The following KMT2A variants were observed in gnomAD, a reference collection of about 807,000 sequenced individuals.
KMT2A encodes histone-lysine N-methyltransferase 2A.
Under a neutral mutation model 345.3 loss-of-function variants are expected in KMT2A, and 16 were observed. The observed-to-expected ratio is 0.05, with a 90% confidence interval of 0.03 to 0.07. KMT2A has a LOEUF of 0.07. Among genes scored for constraint, KMT2A ranks in the 10% least tolerant of loss-of-function variants. The pLI is 1.00. For missense variants in KMT2A, 3,272 were observed against 4,841.6 expected (o/e 0.68, Z 9.62); for synonymous variants, 1,599 against 1,778.6 (o/e 0.90, Z 2.54).
At chr11:118,474,396 A>G (rs1949996808) in intron 3 of KMT2A, 81 bp downstream of exon 3, 7 of 1,487,274 alleles carry the variant, frequency 4.7e-6, no homozygotes, top group Non-Finnish European at 5.4e-6. Flanking sequence ...AAGTGGTTCA[A>G]TTACATCCAG....
In KMT2A at chr11:118,491,813, G is replaced by T; in HGVS notation, c.4889G>T (p.Arg1630Leu). ...VAYTCVNCTE[R>L]HPAEWRLALE... The stretch of plus-strand genomic sequence containing the variant: ...TACACTTGTGTGAACTGTACTGAGC[G>T]GCACCCTGCAGAGTGGCGACTGGCC... The change falls in exon 15 of 36, where the codon CGG becomes CTG. Residue 1630 changes from arginine (R) to leucine (L), a missense_variant. Physicochemically the swap from Arg to Leu is moderately radical, Grantham distance 102 (BLOSUM62 -2). Around this residue, in one of 27 missense-constraint regions of KMT2A, gnomAD observed 66 missense variants for 80.1 expected, o/e 0.82. Transcript: ENST00000534358. The surrounding 1 kb of genome is among the most constrained non-coding windows in gnomAD (Gnocchi z 4.2). The T allele has an allele frequency of 6.2e-7, 1 of 1,614,002 alleles. No individual in the cohort carries two copies. Among genetic ancestry groups the T allele is most frequent in the Non-Finnish European group, 8.5e-7 (1 of 1,179,926 alleles).
rs782273725 is a variant in KMT2A at position 118,522,190 on chromosome 11, A to G, written c.*18A>G. The G allele has an allele frequency of 1.9e-6, 3 of 1,611,086 alleles. No individual in the cohort carries two copies. The highest frequency in any genetic ancestry group is 4.5e-5 in the East Asian group (2 of 44,814). On this transcript the variant is annotated 3_prime_UTR_variant, in exon 36 of 36. Coordinates refer to ENST00000534358, the MANE Select transcript of KMT2A (RefSeq NM_001197104.2). This position sits in a 1 kb window ranked among gnomAD's most constrained non-coding sequence, Gnocchi z 5.4. ...TAAACTAAAGCTGCTCTTCTCCCCC[A>G]GTGTTGGAGTGCAAGGAGGCGGGGC...
chr11:118,442,083 G>C (rs1555025986), intron 1 of KMT2A, among the ~76,000 whole-genome samples: 1 of 152,120 alleles, frequency 6.6e-6, no homozygotes, highest in Non-Finnish European at 1.5e-5. Context: ...AGATCTCTTT[G>C]TGCCTGCCCA....
chr11:118,439,521 C>A (rs187925402), intron 1 of KMT2A, among the ~76,000 whole-genome samples: 5 of 152,342 alleles, frequency 3.3e-5, no homozygotes, highest in Admixed American at 2.6e-4. Context: ...AATATTTTAT[C>A]TGTTGGTCTT....
chr11:118,443,767 C>G (rs988840122), intron 1 of KMT2A, among the ~76,000 whole-genome samples: 2 of 152,206 alleles, frequency 1.3e-5, no homozygotes, highest in African/African-American at 4.8e-5. Flanking sequence ...AGATATCTTA[C>G]CTTCAATTAT....
rs782042971 is a variant in KMT2A at position 118,473,808 on chromosome 11, G to A, written c.2649G>A (p.Glu883=). 1.2e-5 allele frequency: 19 copies of A among 1,614,026 alleles called. No individual in the cohort carries two copies. The highest frequency in any genetic ancestry group is 1.4e-5 in the Non-Finnish European group (16 of 1,180,012). The part of the protein sequence containing the change: ...SRERDREREK[E]NKRESRKEKR... ...AGAGAGACCGGGAGAGAGAAAAGGA[G>A]AATAAGCGGGAGTCAAGGAAAGAGA... Residue 883 remains glutamate (E), a synonymous_variant, in exon 3 of 36, where the codon GAG becomes GAA. Coordinates refer to ENST00000534358, the MANE Select transcript of KMT2A (RefSeq NM_001197104.2). The surrounding 1 kb of genome is among the most constrained non-coding windows in gnomAD (Gnocchi z 5.2).
At chr11:118,441,161 C>A (rs1236264974) in intron 1 of KMT2A, among the ~76,000 whole-genome samples, 1 of 151,734 alleles carries the variant, frequency 6.6e-6, no homozygotes, top group Non-Finnish European at 1.5e-5. Flanking sequence ...TCAAGTGAGA[C>A]GATTTGATAA....
chr11:118,482,764 A>AG (rs1241478999), intron 8 of KMT2A, among the ~76,000 whole-genome samples: 21 of 146,028 alleles, frequency 1.4e-4, no homozygotes, highest in African/African-American at 4.7e-4. Context: ...AAAAAAAAAA[A>AG]AAGAAGAAGA....
At chr11:118,456,381 C>G (rs568535933) in intron 1 of KMT2A, among the ~76,000 whole-genome samples, 2 of 151,970 alleles carry the variant, frequency 1.3e-5, no homozygotes, top group South Asian at 4.2e-4. Flanking sequence ...CATTGTCACC[C>G]GGGCTGGAGT....
At chr11:118,448,752 T>C (rs1439481404) in intron 1 of KMT2A, 2 of 152,212 alleles carry the variant, frequency 1.3e-5, no homozygotes, top group African/African-American at 4.8e-5. Flanking sequence ...GAATGGTCTC[T>C]ACTTTTAACC....
At chr11:118,482,321 A>C (rs910161257) in intron 7 of KMT2A, 101 bp from the exon 8 acceptor site, 14 of 818,596 alleles carry the variant, frequency 1.7e-5, no homozygotes, top group Non-Finnish European at 2.6e-5. Context: ...GAGTTTAAAT[A>C]GTTTTTTTTT....
chr11:118,454,648 C>A (rs1403419852), intron 1 of KMT2A, among the ~76,000 whole-genome samples: 1 of 152,164 alleles, frequency 6.6e-6, no homozygotes, highest in Non-Finnish European at 1.5e-5. Context: ...GTCAAAGATA[C>A]GTTTAATACA....
Position 118,512,040 on chromosome 11 carries a change from T to C in KMT2A, c.11146+15T>C. 6.2e-7 allele frequency: 1 copy of C among 1,607,080 alleles called. No homozygotes were observed. The highest frequency in any genetic ancestry group is 1.1e-5 in the South Asian group (1 of 90,932). On this transcript the variant is annotated intron_variant, in intron 31 of 35. Transcript: ENST00000534358. ...CTCATTTGCAGGTAATGGCTGGAGG[T>C]GTTATTCCACTCCTGTCTCAGAATA...
chr11:118,482,645 C>T (rs891735518), intron 8 of KMT2A, 150 bp downstream of exon 8: 1 of 566,224 alleles, frequency 1.8e-6, no homozygotes, highest in African/African-American at 1.9e-5. Flanking sequence ...CACGGTGGCT[C>T]ACGCTGGTAA....
rs2134301750 is a variant in KMT2A at position 118,482,059 on chromosome 11, C to T, written c.3979C>T (p.Pro1327Ser). The change falls in exon 7 of 36, where the codon CCC (proline) becomes TCC (serine). Residue 1327 changes from proline (P) to serine (S), a missense_variant. Coordinates refer to ENST00000534358, the MANE Select transcript of KMT2A (RefSeq NM_001197104.2). ...KEVPKTTPSE[P>S]KKKQPPPPES... ...AGTTCCCAAAACCACTCCTAGTGAGCCCAAGAAAAAGCAGCCTCCACCACC... is the reference window on the plus strand; with the variant it reads ...AGTTCCCAAAACCACTCCTAGTGAGTCCAAGAAAAAGCAGCCTCCACCACC... 1 of 1,610,350 alleles carries T rather than the reference C, an allele frequency of 6.2e-7. No homozygotes were observed. The highest frequency in any genetic ancestry group is 8.5e-7 in the Non-Finnish European group (1 of 1,178,806).
Position 118,502,637 on chromosome 11 carries a change from G to A in KMT2A, c.6745G>A (p.Val2249Ile), listed in dbSNP as rs781974413. The change falls in exon 27 of 36, where the codon GTC becomes ATC. Residue 2249 changes from valine (V) to isoleucine (I), a missense_variant. By Grantham distance (29) the Val-to-Ile change is conservative (BLOSUM62 3). This residue lies in a region of KMT2A where 445 missense variants were observed against 500.9 expected (regional missense o/e 0.89). Coordinates refer to ENST00000534358, the MANE Select transcript of KMT2A (RefSeq NM_001197104.2). This position sits in a 1 kb window ranked among gnomAD's most constrained non-coding sequence, Gnocchi z 4.9. ...ATCAAGTGCCAAAGTAGTTGATCATGTCTTAGGGCCACTGAATTCAAGTAC... is the reference window on the plus strand; with the variant it reads ...ATCAAGTGCCAAAGTAGTTGATCATATCTTAGGGCCACTGAATTCAAGTAC... ...LESSAKVVDH[V>I]LGPLNSSTSL... 1 of 1,614,150 alleles carries A rather than the reference G, an allele frequency of 6.2e-7. No individual in the cohort carries two copies. The highest frequency in any genetic ancestry group is 8.5e-7 in the Non-Finnish European group (1 of 1,180,038).
chr11:118,490,208 A>G lies in KMT2A; in HGVS notation c.4655A>G (p.Asp1552Gly). 6.3e-7 allele frequency: 1 copy of G among 1,581,388 alleles called. No homozygotes were observed. The highest frequency in any genetic ancestry group is 8.5e-7 in the Non-Finnish European group (1 of 1,171,532). ...GKGWDAQWSH[D>G]FSLCHDCAKL... is the part of the protein sequence containing the mutation. ...GGGTGGGATGCACAGTGGTCTCATG[A>G]TTTCTCACTGTGTCATGATTGCGCC... is the stretch of plus-strand genomic sequence containing the variant. The change falls in exon 13 of 36, where the codon GAT (aspartate) becomes GGT (glycine). Residue 1552 changes from aspartate (D) to glycine (G), a missense_variant. Transcript: ENST00000534358. This position sits in a 1 kb window ranked among gnomAD's most constrained non-coding sequence, Gnocchi z 4.2.
rs781945114 is a variant in KMT2A at position 118,493,033 on chromosome 11, G to A, written c.5005-24G>A. On this transcript the variant is annotated intron_variant, in intron 15 of 35. Transcript: ENST00000534358. The surrounding 1 kb of genome is among the most constrained non-coding windows in gnomAD (Gnocchi z 5.8). Reference sequence around the variant, plus strand: ...ACCTTGGTTTTAGTGTTAGATAAAAGCAACATATCTTTCCTGGCAATAGGC... The same window carrying A: ...ACCTTGGTTTTAGTGTTAGATAAAAACAACATATCTTTCCTGGCAATAGGC... 1.2e-6 allele frequency: 2 copies of A among 1,600,452 alleles called. No individual in the cohort carries two copies. Among genetic ancestry groups the A allele is most frequent in the Admixed American group, 1.7e-5 (1 of 58,746 alleles).
At position 118,472,866 on chromosome 11, in the gene KMT2A, G is replaced by A. The variant is rs888083818; in HGVS notation, c.1707G>A (p.Pro569=). 3.1e-6 allele frequency: 5 copies of A among 1,613,642 alleles called. No individual in the cohort carries two copies. The highest frequency in any genetic ancestry group is 2.7e-5 in the African/African-American group (2 of 74,804). ...CACCTCCACCTCTGCTGACTCCACC[G>A]CCACCACTGCAGCCAGCCTCCAGTA... is the stretch of plus-strand genomic sequence containing the variant. ...SSPPPPLLTP[P]PPLQPASSIS... Residue 569 remains proline, a synonymous_variant, in exon 3 of 36, where the codon CCG becomes CCA. Coordinates refer to ENST00000534358, the MANE Select transcript of KMT2A (RefSeq NM_001197104.2).
Sources: gnomAD v4.1 joint callset for allele counts (sites outside exome capture counted in the v4.1 genomes callset) on GRCh38, gnomAD v4.1.1 for gene constraint, gnomAD v4.1.1 regional missense constraint, Gnocchi (gnomAD v3.1) non-coding constraint, MANE v1.5 for transcripts, NCBI Gene and HGNC (gene_info 2026-07-23, HGNC 2026-07-21) for gene names.